RANBP17: variants seen among roughly 807,000 people sequenced by gnomAD.
The protein encoded by RANBP17 is ran-binding protein 17.
A neutral mutation model predicts 141.2 loss-of-function variants in RANBP17; 158 were observed. The observed-to-expected ratio is 1.12, with a 90% CI of 0.98 to 1.28. The LOEUF (loss-of-function observed/expected upper bound fraction) is 1.28. Ranked by LOEUF, RANBP17 falls within the 50% of genes most tolerant of loss-of-function variation. The pLI is 0.00. For missense variants in RANBP17, 1,438 were observed against 1,290.7 expected (o/e 1.11, Z -1.75); for synonymous variants, 430 against 450.0 (o/e 0.96, Z 0.56).
intron 25 of RANBP17, among the ~76,000 whole-genome samples, chr5:171,287,763 G>A (rs1365526504): frequency 6.6e-6 from 1 of 152,016 alleles, no homozygotes; most frequent in Non-Finnish European, 1.5e-5. Flanking sequence ...GTCTCACTCT[G>A]TCACGCAGAC....
intron 24 of RANBP17, among the ~76,000 whole-genome samples, chr5:171,251,000 A>G (rs1672951987): frequency 6.6e-6 from 1 of 152,252 alleles, no homozygotes; most frequent in African/African-American, 2.4e-5. Flanking sequence ...GAGCTACAGA[A>G]TCTACTCAAC....
chr5:170,986,398 A>G (rs917786454), intron 14 of RANBP17, among the ~76,000 whole-genome samples: 4 of 152,002 alleles, frequency 2.6e-5, no homozygotes, highest in Admixed American at 6.6e-5. Context: ...TAGTGTAACT[A>G]TAGTGAACAA....
chr5:171,144,457 A>G (rs570899607), intron 14 of RANBP17, among the ~76,000 whole-genome samples: 1 of 152,286 alleles, frequency 6.6e-6, no homozygotes, highest in South Asian at 2.1e-4. Flanking sequence ...TTGATCATTT[A>G]TTTATTTCAA....
chr5:170,983,483 G>A (rs978665388), intron 14 of RANBP17, among the ~76,000 whole-genome samples: 2 of 152,164 alleles, frequency 1.3e-5, no homozygotes, highest in African/African-American at 4.8e-5. Flanking sequence ...GATGAATACA[G>A]TATCATAAAT....
intron 14 of RANBP17, among the ~76,000 whole-genome samples, chr5:171,002,178 C>T (rs573671465): frequency 1.8e-4 from 27 of 151,988 alleles, no homozygotes; most frequent in African/African-American, 4.3e-4. Context: ...TATGAAATGA[C>T]GATAGAATAG....
chr5:171,078,984 A>C lies in RANBP17; in HGVS notation c.1711-91146A>C, dbSNP rs1206266417. ...AAGACTGCAGCTGCCATAGATAGTGATTTCTCTGATGGATCTGGGCAAAGT... is the reference window on the plus strand; with the variant it reads ...AAGACTGCAGCTGCCATAGATAGTGCTTTCTCTGATGGATCTGGGCAAAGT... On this transcript the variant is annotated intron_variant, in intron 14 of 27. Coordinates refer to ENST00000523189, the MANE Select transcript of RANBP17 (RefSeq NM_022897.5). Among the ~76,000 whole-genome samples, 24 of 152,172 alleles carry C rather than the reference A, an allele frequency of 1.6e-4. 1 individual carries two copies.
intron 14 of RANBP17, among the ~76,000 whole-genome samples, chr5:171,027,454 A>G (rs916099501): frequency 2.0e-5 from 3 of 151,974 alleles, no homozygotes; most frequent in African/African-American, 4.8e-5. Flanking sequence ...CACTTTTTCT[A>G]TTTGTGAGAT....
At chr5:171,251,865 C>T in intron 24 of RANBP17, 1 of 1,420,412 alleles carries the variant, frequency 7.0e-7, no homozygotes, top group Non-Finnish European at 1.0e-6. Context: ...CCATGAGTGC[C>T]AATGCTTCGG....
chr5:170,987,016 G>C (rs1468758106), intron 14 of RANBP17, among the ~76,000 whole-genome samples: 1 of 151,770 alleles, frequency 6.6e-6, no homozygotes, highest in Non-Finnish European at 1.5e-5. Flanking sequence ...TTGTATGTTT[G>C]TATTTGATAC....
chr5:171,142,179 T>A (rs1025253950), intron 14 of RANBP17, among the ~76,000 whole-genome samples: 1 of 152,170 alleles, frequency 6.6e-6, no homozygotes, highest in Non-Finnish European at 1.5e-5. Context: ...AGAGCTTCCA[T>A]TTTTTTGTCT....
At chr5:171,079,006 A>G (rs1785104460) in intron 14 of RANBP17, among the ~76,000 whole-genome samples, 1 of 152,220 alleles carries the variant, frequency 6.6e-6, no homozygotes, top group Non-Finnish European at 1.5e-5. Context: ...GATCTGGGCA[A>G]AGTAAATTGA....
chr5:170,957,837 C>T (rs3860761), intron 13 of RANBP17, among the ~76,000 whole-genome samples: 97,364 of 151,976 alleles, frequency 0.64, 31,951 homozygotes, highest in South Asian at 0.9. Flanking sequence ...AAGTCAACAA[C>T]ATATTTGAAA....
intron 1 of RANBP17, 36 bp downstream of exon 1, chr5:170,862,087 C>G (rs1234064249): frequency 6.9e-7 from 1 of 1,440,952 alleles, no homozygotes; most frequent in South Asian, 1.4e-5. Context: ...CGCGCTCCGC[C>G]ACGCTGGGAA....
At chr5:171,061,859 C>T (rs1386806772) in intron 14 of RANBP17, among the ~76,000 whole-genome samples, 2 of 152,166 alleles carry the variant, frequency 1.3e-5, no homozygotes, top group Non-Finnish European at 2.9e-5. Context: ...GTATTGGGTG[C>T]ATATATATTT....
At chr5:170,901,925 C>T (rs554446699) in intron 5 of RANBP17, among the ~76,000 whole-genome samples, 84 of 152,244 alleles carry the variant, frequency 5.5e-4, no homozygotes, top group African/African-American at 1.9e-3. Flanking sequence ...TGTGGGTAAC[C>T]CAACCTTTCT....
chr5:170,988,152 T>G (rs574267665), intron 14 of RANBP17, among the ~76,000 whole-genome samples: 2 of 151,720 alleles, frequency 1.3e-5, no homozygotes, highest in African/African-American at 4.8e-5. Context: ...TTCTACTTAC[T>G]TTTAATGATT....
chr5:171,041,681 G>T (rs1782257657), intron 14 of RANBP17, among the ~76,000 whole-genome samples: 4 of 152,026 alleles, frequency 2.6e-5, no homozygotes, highest in Admixed American at 2.6e-4. Flanking sequence ...TAACACAATG[G>T]TAAGTACTTA....
At chr5:171,030,651 A>T (rs1781498488) in intron 14 of RANBP17, among the ~76,000 whole-genome samples, 1 of 152,028 alleles carries the variant, frequency 6.6e-6, no homozygotes. Flanking sequence ...TATATAAAGT[A>T]ATTTAAATAT....
At chr5:171,251,659 C>T (rs113327594) in intron 24 of RANBP17, among the ~76,000 whole-genome samples, 6 of 152,056 alleles carry the variant, frequency 3.9e-5, no homozygotes, top group African/African-American at 4.8e-5. Context: ...GCGCCGGTGG[C>T]GACGAAGGCA....
Sources: allele counts gnomAD v4.1 joint callset (sites outside exome capture counted in the v4.1 genomes callset), GRCh38; gene constraint gnomAD v4.1.1; transcripts MANE v1.5; gene names NCBI Gene and HGNC (gene_info 2026-07-23, HGNC 2026-07-21).